Variants in GREB1 observed in about 807,000 individuals in gnomAD.
GREB1 encodes the protein protein GREB1.
Under a neutral mutation model 200.7 loss-of-function variants are expected in GREB1, and 106 were observed. The observed-to-expected ratio is 0.53, with a 90% CI of 0.45 to 0.62. GREB1 has a LOEUF of 0.62. GREB1 is among the 20% of genes least tolerant of loss of function. The pLI, the probability that GREB1 is intolerant of heterozygous loss-of-function variation, is 0.00. For synonymous variants in GREB1, 1,132 were observed against 1,092.4 expected, an observed-to-expected ratio of 1.04 and a Z score of -0.72; for missense variants, 2,243 against 2,556.8, an observed-to-expected ratio of 0.88 and a Z score of 2.65.
intron 1 of GREB1, among the ~76,000 whole-genome samples, chr2:11,539,685 T>G (rs1674579918): frequency 6.6e-6 from 1 of 152,156 alleles, no homozygotes; most frequent in Non-Finnish European, 1.5e-5. Context: ...GAGAGCACTG[T>G]GACCCAGCAA....
At chr2:11,606,063 A>G (rs1682256875) in intron 17 of GREB1, among the ~76,000 whole-genome samples, 1 of 152,150 alleles carries the variant, frequency 6.6e-6, no homozygotes, top group African/African-American at 2.4e-5. Flanking sequence ...CTTGGTATAC[A>G]CGGGGGGTTA....
intron 1 of GREB1, among the ~76,000 whole-genome samples, chr2:11,519,785 A>T (rs1673643912): frequency 6.6e-6 from 1 of 151,840 alleles, no homozygotes. Context: ...TTAGCCTCTC[A>T]CCCTCAAGAC....
chr2:11,536,155 A>G (rs1674283975), intron 1 of GREB1, among the ~76,000 whole-genome samples: 1 of 152,172 alleles, frequency 6.6e-6, no homozygotes, highest in Non-Finnish European at 1.5e-5. Context: ...TGCCCAGCTC[A>G]GTTTCGGGAG....
At chr2:11,555,259 A>G (rs1211720134) in intron 1 of GREB1, among the ~76,000 whole-genome samples, 1 of 152,246 alleles carries the variant, frequency 6.6e-6, no homozygotes, top group Non-Finnish European at 1.5e-5. Flanking sequence ...ACATATACAC[A>G]TTTAAATGCC....
chr2:11,592,628 G>A (rs922864453), intron 10 of GREB1, 148 bp from the exon 11 acceptor site: 3 of 530,436 alleles, frequency 5.7e-6, no homozygotes, highest in African/African-American at 2.0e-5. Flanking sequence ...AGATTGTGGC[G>A]GATTTTATGC....
chr2:11,587,731 A>ACG lies in GREB1; in HGVS notation c.1160-1014_1160-1013insGC, dbSNP rs1680286426. 3.3e-6 allele frequency: 4 copies of ACG among 1,194,968 alleles called. No individual in the cohort carries two copies. In the African/African-American group the frequency reaches 6.7e-5, roughly 20 times the overall value. 74.0% of individuals were successfully genotyped at this position (1,194,968 alleles called of 1,614,324 possible). On this transcript the variant is annotated intron_variant, in intron 9 of 32. Coordinates refer to ENST00000381486, the MANE Select transcript of GREB1 (RefSeq NM_014668.4). Reference sequence around the variant, plus strand: ...CACACACACACACACACACACACACACACACACACACGCCACCTTTGGGAG... The same window carrying ACG: ...CACACACACACACACACACACACACACGCACACACACACGCCACCTTTGGGAG...
intron 1 of GREB1, among the ~76,000 whole-genome samples, chr2:11,501,710 A>G (rs1673042290): frequency 6.6e-6 from 1 of 151,722 alleles, no homozygotes; most frequent in South Asian, 2.1e-4. Context: ...CTGTTTTTAT[A>G]TGCTGTTTTG....
Position 11,631,950 on chromosome 2 carries a change from C to A in GREB1, c.4653C>A (p.Thr1551=). Residue 1551 remains threonine (T), a synonymous_variant, in exon 27 of 33, where the codon ACC becomes ACA. Coordinates refer to ENST00000381486, the MANE Select transcript of GREB1 (RefSeq NM_014668.4). The part of the protein sequence containing the change: ...YIKSPTFTPT[T]GRHEHGLFNL... The stretch of plus-strand genomic sequence containing the variant: ...AAAGTCCGACATTCACTCCAACCAC[C>A]GGCCGTCACGAACATGGGCTCTTTA... 2 of 1,614,094 alleles carry A rather than the reference C, an allele frequency of 1.2e-6. No individual in the cohort carries two copies. The highest frequency in any genetic ancestry group is 3.3e-4 in the Middle Eastern group (2 of 6,052).
Position 11,633,947 on chromosome 2 carries a change from T to C in GREB1, c.4992-184T>C, listed in dbSNP as rs371429376. Among the ~76,000 whole-genome samples the C allele has an allele frequency of 1.3e-5, 2 of 152,240 alleles. No individual in the cohort carries two copies. The highest frequency in any genetic ancestry group is 1.3e-4 in the Admixed American group (2 of 15,284). On this transcript the variant is annotated intron_variant, in intron 28 of 32. Transcript: ENST00000381486. The surrounding 1 kb of genome is among the most constrained non-coding windows in gnomAD (Gnocchi z 4.1). ...ATGGTCTGCAAATGTGTTCAGCACA[T>C]AGCAGAAATGAGCGCCCGTGGGAAG... is the stretch of plus-strand genomic sequence containing the variant.
At chr2:11,621,049 T>C in intron 23 of GREB1, 42 bp downstream of exon 23, 1 of 1,068,808 alleles carries the variant, frequency 9.4e-7, no homozygotes, top group South Asian at 1.3e-5. Context: ...GGAGCCACCT[T>C]CATCACTTTC....
At chr2:11,515,886 T>C (rs1033133850) in intron 1 of GREB1, among the ~76,000 whole-genome samples, 1 of 152,192 alleles carries the variant, frequency 6.6e-6, no homozygotes, top group Non-Finnish European at 1.5e-5. Context: ...GGCTTTGTGC[T>C]TAGAGGCCCA....
In GREB1 at chr2:11,610,992, G is replaced by A. The variant is rs3762578; in HGVS notation, c.2971G>A (p.Val991Ile). Residue 991 changes from valine to isoleucine, a missense_variant, in exon 18 of 33, where the codon GTC (valine) becomes ATC (isoleucine). By Grantham distance (29) the Val-to-Ile change is conservative. Around this residue, in one of 3 missense-constraint regions of GREB1, gnomAD observed 1,178 missense variants for 1,387.4 expected, o/e 0.85. Coordinates refer to ENST00000381486, the MANE Select transcript of GREB1 (RefSeq NM_014668.4). ...EIILGSPSSG[V>I]TVGKHFVKQL... Reference sequence around the variant, plus strand: ...CATCCTGGGCAGTCCCAGCTCAGGCGTCACCGTGGGGAAGCACTTCGTAAA... The same window carrying A: ...CATCCTGGGCAGTCCCAGCTCAGGCATCACCGTGGGGAAGCACTTCGTAAA... 1,059 of 1,603,348 alleles carry A rather than the reference G, an allele frequency of 6.6e-4. 7 individuals carry two copies. The East Asian group carries it at 9.5e-3, about 14-fold the overall frequency.
intron 21 of GREB1, among the ~76,000 whole-genome samples, chr2:11,617,306 G>A (rs1368106870): frequency 1.3e-5 from 2 of 152,188 alleles, no homozygotes. Flanking sequence ...AGAAACAGAG[G>A]CCCCGGGCAA....
chr2:11,567,060 G>A (rs1677747598), intron 4 of GREB1, among the ~76,000 whole-genome samples: 2 of 152,260 alleles, frequency 1.3e-5, no homozygotes, highest in East Asian at 1.9e-4. Context: ...CAGGCACCCT[G>A]TATCTGTTTT....
chr2:11,600,705 G>T, intron 15 of GREB1, 95 bp from the exon 16 acceptor site: 1 of 975,500 alleles, frequency 1.0e-6, no homozygotes, highest in Non-Finnish European at 1.6e-6. Context: ...CGTTGGTAAA[G>T]TCAGGGGTTA....
chr2:11,497,844 G>A (rs1330622676), intron 1 of GREB1, among the ~76,000 whole-genome samples: 1 of 151,796 alleles, frequency 6.6e-6, no homozygotes, highest in Non-Finnish European at 1.5e-5. Context: ...ACTATTGAGT[G>A]TTGAAAGTTT....
chr2:11,612,597 G>A lies in GREB1; in HGVS notation c.3109G>A (p.Glu1037Lys), dbSNP rs1683032126. The stretch of plus-strand genomic sequence containing the variant: ...CTTCAGTGGGATGGACCCGCATGGG[G>A]AGTCCTTGCCGAGGTGAGTGGAGGG... ...LIFSGMDPHG[E>K]SLPRSLRYCD... Residue 1037 changes from glutamate (E) to lysine (K), a missense_variant, in exon 19 of 33, where the codon GAG becomes AAG. Physicochemically the swap from Glu to Lys is moderately conservative, Grantham distance 56. Around this residue, in one of 3 missense-constraint regions of GREB1, gnomAD observed 1,178 missense variants for 1,387.4 expected, o/e 0.85. Transcript: ENST00000381486. The A allele has an allele frequency of 6.2e-7, 1 of 1,610,072 alleles. No homozygotes were observed. The highest frequency in any genetic ancestry group is 1.1e-5 in the South Asian group (1 of 90,928).
chr2:11,520,163 A>G (rs1283733939), intron 1 of GREB1, among the ~76,000 whole-genome samples: 1 of 152,178 alleles, frequency 6.6e-6, no homozygotes, highest in Non-Finnish European at 1.5e-5. Context: ...TAAATGATTA[A>G]TTAAGTACTT....
rs1413189734 is a variant in GREB1, at chr2:11,612,518, G to A, written c.3030G>A (p.Val1010=). 6.2e-7 allele frequency: 1 copy of A among 1,611,762 alleles called. No homozygotes were observed. Among genetic ancestry groups the A allele is most frequent in the South Asian group, 1.1e-5 (1 of 91,014 alleles). ...QLRMWQKIED[V]EWRPQTYLEL... ...AGATGTGGCAGAAAATTGAGGATGT[G>A]GAGTGGAGACCCCAGACTTACTTGG... is the stretch of plus-strand genomic sequence containing the variant. The change falls in exon 19 of 33, where the codon GTG becomes GTA. Residue 1010 remains valine, a synonymous_variant. Transcript: ENST00000381486.
Sources: allele counts gnomAD v4.1 joint callset (sites outside exome capture counted in the v4.1 genomes callset), GRCh38; gene constraint gnomAD v4.1.1; regional missense constraint gnomAD v4.1.1; non-coding constraint Gnocchi (gnomAD v3.1); transcripts MANE v1.5; gene names NCBI Gene and HGNC (gene_info 2026-07-23, HGNC 2026-07-21).